GALNT15: variants seen among roughly 807,000 people sequenced by gnomAD.
The protein encoded by GALNT15 is UDP-GalNAc transferase T15.
A neutral mutation model predicts 66.8 loss-of-function variants in GALNT15; 67 were observed. The observed-to-expected ratio is 1.00, with a 90% CI of 0.82 to 1.23. GALNT15 has a LOEUF of 1.23. Among genes scored for constraint, GALNT15 ranks in the 50% most tolerant of loss-of-function variants. The pLI, the probability that GALNT15 is intolerant of heterozygous loss-of-function variation, is 0.00. For missense variants in GALNT15, 827 were observed against 804.3 expected, an observed-to-expected ratio of 1.03 and a Z score of -0.34; for synonymous variants, 313 against 311.5, an observed-to-expected ratio of 1.00 and a Z score of -0.05.
chr3:16,185,337 C>T (rs1385696121), intron 1 of GALNT15, among the ~76,000 whole-genome samples: 2 of 152,200 alleles, frequency 1.3e-5, no homozygotes, highest in Non-Finnish European at 2.9e-5. Context: ...GGAGGAAGCA[C>T]ACTGTTGCTC....
the GALNT15 span, among the ~76,000 whole-genome samples, chr3:16,247,804 C>T: frequency 5.3e-5 from 8 of 152,236 alleles, no homozygotes; most frequent in African/African-American, 1.7e-4. Context: ...TCTGCTGTCC[C>T]CCTCCCGGAC....
At chr3:16,207,449 A>T (rs984785330) in intron 3 of GALNT15, among the ~76,000 whole-genome samples, 19 of 141,676 alleles carry the variant, frequency 1.3e-4, no homozygotes, top group Non-Finnish European at 2.6e-4. Flanking sequence ...GTTAAAAAGT[A>T]TATGACCCAT....
chr3:16,236,104 C>CAAAAAAAAAAAAAAT (rs2064123953), downstream of GALNT15, among the ~76,000 whole-genome samples: 1 of 23,396 alleles, frequency 4.3e-5, no homozygotes, highest in African/African-American at 1.2e-4. Flanking sequence ...GACTATGTCT[C>CAAAAAAAAAAAAAAT]AAAAAAAAAA....
chr3:16,247,889 A>C, the GALNT15 span, among the ~76,000 whole-genome samples: 1 of 152,158 alleles, frequency 6.6e-6, no homozygotes, highest in Non-Finnish European at 1.5e-5. Context: ...GTCACCCAGC[A>C]CACACAGGGG....
chr3:16,221,903 G>C (rs569090369), intron 8 of GALNT15, among the ~76,000 whole-genome samples: 2 of 152,182 alleles, frequency 1.3e-5, no homozygotes, highest in Non-Finnish European at 2.9e-5. Flanking sequence ...CAATTATTAA[G>C]AATTTCAAGA....
intron 8 of GALNT15, among the ~76,000 whole-genome samples, chr3:16,220,620 A>T (rs2063932642): frequency 6.6e-6 from 1 of 152,202 alleles, no homozygotes; most frequent in African/African-American, 2.4e-5. Flanking sequence ...GCTTGTCCCC[A>T]AGTCTCTCTC....
chr3:16,206,621 C>T (rs1347836888), intron 3 of GALNT15, among the ~76,000 whole-genome samples: 1 of 141,340 alleles, frequency 7.1e-6, no homozygotes, highest in African/African-American at 2.7e-5. Context: ...TGCAGTGAAC[C>T]GAGATCACGC....
intron 6 of GALNT15, among the ~76,000 whole-genome samples, chr3:16,213,260 C>A (rs1440583824): frequency 1.3e-5 from 2 of 151,822 alleles, no homozygotes; most frequent in Non-Finnish European, 2.9e-5. Flanking sequence ...TCGAGACCAT[C>A]CTGGCTAACA....
At position 16,228,444 on chromosome 3, in the gene GALNT15, C is replaced by A; in HGVS notation, c.*944C>A. 1 of 700,496 alleles carries A rather than the reference C, an allele frequency of 1.4e-6. No homozygotes were observed. The highest frequency in any genetic ancestry group is 1.8e-6 in the Non-Finnish European group (1 of 569,856). The allele number at this position is 700,496 out of a possible 1,614,324, so 43.4% of individuals were successfully genotyped here. ...TCACCTGATGTCAGGGGTTTGAGACCAGCCTGGTCAACATTGCAAAACCTT... is the reference window on the plus strand; with the variant it reads ...TCACCTGATGTCAGGGGTTTGAGACAAGCCTGGTCAACATTGCAAAACCTT... On this transcript the variant is annotated 3_prime_UTR_variant, in exon 10 of 10. Coordinates refer to ENST00000339732, the MANE Select transcript of GALNT15 (RefSeq NM_054110.5).
rs535267582 is a variant in GALNT15 at position 16,204,823 on chromosome 3, C to T, written c.912-3680C>T. On this transcript the variant is annotated intron_variant, in intron 3 of 9. Transcript: ENST00000339732. This position sits in a 1 kb window ranked among gnomAD's most constrained non-coding sequence, Gnocchi z 4.5. Reference sequence around the variant, plus strand: ...TGTGGGGCAGGGAGAAGAACACCTCCCACTCTGCCCTTTGAAGGGTTAAAT... The same window carrying T: ...TGTGGGGCAGGGAGAAGAACACCTCTCACTCTGCCCTTTGAAGGGTTAAAT... 1.6e-4 allele frequency among the ~76,000 whole-genome samples: 24 copies of T among 148,174 alleles called. No homozygotes were observed. Among genetic ancestry groups the T allele is most frequent in the Admixed American group, 6.6e-4 (10 of 15,090 alleles).
chr3:16,191,544 T>C lies in GALNT15; in HGVS notation c.540-4216T>C, dbSNP rs952987163. 2.6e-5 allele frequency among the ~76,000 whole-genome samples: 4 copies of C among 152,218 alleles called. No individual in the cohort carries two copies. The highest frequency in any genetic ancestry group is 4.8e-5 in the African/African-American group (2 of 41,452). On this transcript the variant is annotated intron_variant, in intron 1 of 9. Coordinates refer to ENST00000339732, the MANE Select transcript of GALNT15 (RefSeq NM_054110.5). This position sits in a 1 kb window ranked among gnomAD's most constrained non-coding sequence, Gnocchi z 5.2. ...CAGCTAGGAAGTGGTGGAGCCTCAG[T>C]GTCCACAACCTGAGTTACCAGGTGA...
At chr3:16,222,538 G>A (rs754916076) in intron 8 of GALNT15, 77 bp from the exon 9 acceptor site, 5 of 1,563,776 alleles carry the variant, frequency 3.2e-6, no homozygotes, top group Non-Finnish European at 4.4e-6. Flanking sequence ...GCTCTATAGT[G>A]GGTTCTTCTT....
rs1302040514 is a variant in GALNT15 at position 16,229,909 on chromosome 3, A to G, written c.*2409A>G. Among the ~76,000 whole-genome samples the G allele has an allele frequency of 1.3e-5, 2 of 152,204 alleles. No homozygotes were observed. The highest frequency in any genetic ancestry group is 4.8e-5 in the African/African-American group (2 of 41,460). On this transcript the variant is annotated 3_prime_UTR_variant, in exon 10 of 10. Coordinates refer to ENST00000339732, the MANE Select transcript of GALNT15 (RefSeq NM_054110.5). Reference sequence around the variant, plus strand: ...AACTCAGTCCCTGGCTGGTATTTACAGACCCTTAATTTAAGTAAAACAGAT... The same window carrying G: ...AACTCAGTCCCTGGCTGGTATTTACGGACCCTTAATTTAAGTAAAACAGAT...
In GALNT15 at chr3:16,211,157, GGACA is replaced by G. The variant is rs759507298; in HGVS notation, c.1118_1121del (p.Arg373IlefsTer42). 49 of 1,613,970 alleles carry G rather than the reference GGACA, an allele frequency of 3.0e-5. No homozygotes were observed. In the Admixed American group the frequency reaches 8.2e-4, roughly 27 times the overall value. ...TGGTGCCCGGAGAGGTGGTGGCCAT[GGACA>G]GACATTACTTCCAAAACACTGGAGC... On this transcript the variant is annotated frameshift_variant, in exon 5 of 10. Transcript: ENST00000339732. LOFTEE classifies it high-confidence loss of function. This position sits in a 1 kb window ranked among gnomAD's most constrained non-coding sequence, Gnocchi z 4.3.
chr3:16,219,382 T>G lies in GALNT15; in HGVS notation c.1393-21T>G. On this transcript the variant is annotated intron_variant, in intron 6 of 9. Coordinates refer to ENST00000339732, the MANE Select transcript of GALNT15 (RefSeq NM_054110.5). The surrounding 1 kb of genome is among the most constrained non-coding windows in gnomAD (Gnocchi z 4.3). ...GCAAGACAAGCTTTCATCATCCTGC[T>G]TGTGTCTTTCTCCTCCCCAGGCTGA... 1 of 1,613,034 alleles carries G rather than the reference T, an allele frequency of 6.2e-7. No individual in the cohort carries two copies. The highest frequency in any genetic ancestry group is 8.5e-7 in the Non-Finnish European group (1 of 1,179,448).
the GALNT15 span, among the ~76,000 whole-genome samples, chr3:16,245,916 G>T: frequency 6.6e-6 from 1 of 152,166 alleles, no homozygotes; most frequent in Admixed American, 6.5e-5. Flanking sequence ...AACAGTATCT[G>T]CAATATGGTA....
the GALNT15 span, among the ~76,000 whole-genome samples, chr3:16,240,360 G>A: frequency 5.9e-5 from 9 of 152,226 alleles, no homozygotes; most frequent in East Asian, 1.9e-4. Flanking sequence ...AACCACTGGC[G>A]TGGATGACTT....
intron 3 of GALNT15, among the ~76,000 whole-genome samples, chr3:16,206,517 A>G (rs535236377): frequency 6.6e-6 from 1 of 151,550 alleles, no homozygotes; most frequent in Non-Finnish European, 1.5e-5. Flanking sequence ...TACTAAAAAT[A>G]CAAAAATTAG....
At chr3:16,179,547 G>A (rs755524339) in intron 1 of GALNT15, among the ~76,000 whole-genome samples, 1 of 152,116 alleles carries the variant, frequency 6.6e-6, no homozygotes, top group Non-Finnish European at 1.5e-5. Context: ...GGAGGAGCTG[G>A]GTGCACCCTA....
Sources: gnomAD v4.1 joint callset for allele counts (sites outside exome capture counted in the v4.1 genomes callset) on GRCh38, gnomAD v4.1.1 for gene constraint, Gnocchi (gnomAD v3.1) non-coding constraint, MANE v1.5 for transcripts, NCBI Gene and HGNC (gene_info 2026-07-23, HGNC 2026-07-21) for gene names.